Variants in TMEM167A observed in about 807,000 individuals in gnomAD.
The protein encoded by TMEM167A is protein kish-A.
A neutral mutation model predicts 11.6 loss-of-function variants in TMEM167A; 8 were observed. The ratio of observed to expected loss-of-function variants is 0.69; its 90% confidence interval spans 0.40 to 1.24. The LOEUF is 1.24. Ranked by LOEUF, TMEM167A falls within the 50% of genes most tolerant of loss-of-function variation. The pLI, the probability that TMEM167A is intolerant of heterozygous loss-of-function variation, is 0.01. For missense variants in TMEM167A, 62 were observed against 87.0 expected (o/e 0.71, Z 1.14); for synonymous variants, 22 against 28.0 (o/e 0.79, Z 0.67).
At chr5:83,073,697 C>A (rs146504755) in intron 1 of TMEM167A, among the ~76,000 whole-genome samples, 245 of 152,220 alleles carry the variant, frequency 1.6e-3, no homozygotes, top group East Asian at 2.3e-3. Flanking sequence ...AACTGGAGTA[C>A]CAAGAGAAAA....
intron 1 of TMEM167A, among the ~76,000 whole-genome samples, chr5:83,073,461 T>C (rs1311186869): frequency 6.6e-6 from 1 of 152,254 alleles, no homozygotes; most frequent in Non-Finnish European, 1.5e-5. Context: ...AAAACCCTTC[T>C]AATATTCAAC....
In TMEM167A at chr5:83,054,828, C is replaced by A. The variant is rs531086661; in HGVS notation, c.*2256G>T. 8 of 151,888 alleles carry A rather than the reference C, an allele frequency of 5.3e-5. No homozygotes were observed. In the East Asian group the frequency reaches 1.4e-3, roughly 26 times the overall value. 9.4% of individuals were successfully genotyped at this position (151,888 alleles called of 1,614,324 possible). ...AACAACCTGCACATGTACCCCTGAA[C>A]CTAAAAGTTAAAAAAATAAAAGGGA... On this transcript the variant is annotated 3_prime_UTR_variant, in exon 4 of 4. Transcript: ENST00000502346.
intron 3 of TMEM167A, among the ~76,000 whole-genome samples, chr5:83,061,080 T>C (rs140827542): frequency 4.6e-5 from 7 of 152,296 alleles, no homozygotes; most frequent in Admixed American, 4.6e-4. Context: ...AGATCAAGTG[T>C]AGTACTTTAA....
chr5:83,064,556 T>A (rs1199178392), intron 2 of TMEM167A, among the ~76,000 whole-genome samples: 1 of 152,078 alleles, frequency 6.6e-6, no homozygotes, highest in Admixed American at 6.6e-5. Flanking sequence ...AAGGGAAAGA[T>A]ACAATGAAAC....
chr5:83,074,895 C>G (rs1372672631), intron 1 of TMEM167A, among the ~76,000 whole-genome samples: 1 of 152,084 alleles, frequency 6.6e-6, no homozygotes, highest in Non-Finnish European at 1.5e-5. Flanking sequence ...CTCAGCCTCC[C>G]AAGTAGCTGG....
Position 83,056,278 on chromosome 5 carries a change from TA to T in TMEM167A, c.*805del, listed in dbSNP as rs1561300321. The T allele has an allele frequency of 6.6e-6, 1 of 151,972 alleles. No individual in the cohort carries two copies. The highest frequency in any genetic ancestry group is 2.1e-4 in the South Asian group (1 of 4,828). 9.4% of individuals were successfully genotyped at this position (151,972 alleles called of 1,614,324 possible). On this transcript the variant is annotated 3_prime_UTR_variant, in exon 4 of 4. Coordinates refer to ENST00000502346, the MANE Select transcript of TMEM167A (RefSeq NM_174909.5). ...TGTTTCATTTTTGAAGCCATGACACTAAAAAGAATGAAAAACACATATAGGA... is the reference window on the plus strand; with the variant it reads ...TGTTTCATTTTTGAAGCCATGACACTAAAAGAATGAAAAACACATATAGGA...
At chr5:83,066,933 C>T (rs1349747363) in intron 1 of TMEM167A, among the ~76,000 whole-genome samples, 1 of 152,204 alleles carries the variant, frequency 6.6e-6, no homozygotes, top group Non-Finnish European at 1.5e-5. Flanking sequence ...CTTTGACCTT[C>T]TCAGCCATGT....
intron 1 of TMEM167A, among the ~76,000 whole-genome samples, chr5:83,075,249 T>A (rs890897686): frequency 6.6e-6 from 1 of 151,320 alleles, no homozygotes; most frequent in African/African-American, 2.4e-5. Flanking sequence ...CTAAAGAGAG[T>A]AGAAGAAAAT....
intron 1 of TMEM167A, among the ~76,000 whole-genome samples, chr5:83,072,765 A>G (rs1268581552): frequency 2.0e-5 from 3 of 152,106 alleles, no homozygotes; most frequent in African/African-American, 7.2e-5. Context: ...TGCCTGCCTC[A>G]GCCTCCTGGA....
chr5:83,066,056 G>T (rs112104521), intron 1 of TMEM167A, among the ~76,000 whole-genome samples: 397 of 152,116 alleles, frequency 2.6e-3, no homozygotes, highest in African/African-American at 8.8e-3. Context: ...ATTGTTATCA[G>T]ATTATCAGAC....
chr5:83,059,564 A>T (rs931884397), intron 3 of TMEM167A, among the ~76,000 whole-genome samples: 1 of 151,754 alleles, frequency 6.6e-6, no homozygotes, highest in African/African-American at 2.4e-5. Context: ...TGGTGTGTGT[A>T]TAGTTATATT....
Position 83,058,394 on chromosome 5 carries a change from C to A in TMEM167A, c.149-1240G>T, listed in dbSNP as rs540541954. Reference sequence around the variant, plus strand: ...TGTAGACATTTAATGGACTGCCTTCCGGCTAAAAAAAATCTAGAAAGTGAA... The same window carrying A: ...TGTAGACATTTAATGGACTGCCTTCAGGCTAAAAAAAATCTAGAAAGTGAA... On this transcript the variant is annotated intron_variant, in intron 3 of 3. Coordinates refer to ENST00000502346, the MANE Select transcript of TMEM167A (RefSeq NM_174909.5). Among the ~76,000 whole-genome samples, 7 of 151,808 alleles carry A rather than the reference C, an allele frequency of 4.6e-5. 1 individual carries two copies. The highest frequency in any genetic ancestry group is 4.6e-4 in the Admixed American group (7 of 15,216).
chr5:83,075,485 G>A (rs1052278538), intron 1 of TMEM167A, among the ~76,000 whole-genome samples: 14 of 152,238 alleles, frequency 9.2e-5, no homozygotes, highest in East Asian at 5.8e-4. Flanking sequence ...GGTGGCTCAC[G>A]CCTGTAATCC....
Position 83,056,152 on chromosome 5 carries a change from A to G in TMEM167A, c.*932T>C, listed in dbSNP as rs557073993. Reference sequence around the variant, plus strand: ...ACTATTTATCACCTCCAAAGTAACAAAAGAGATTCCAGTTCAAGTTGACAA... The same window carrying G: ...ACTATTTATCACCTCCAAAGTAACAGAAGAGATTCCAGTTCAAGTTGACAA... On this transcript the variant is annotated 3_prime_UTR_variant, in exon 4 of 4. Transcript: ENST00000502346. 6.6e-6 allele frequency: 1 copy of G among 152,200 alleles called. No homozygotes were observed. The highest frequency in any genetic ancestry group is 2.1e-4 in the South Asian group (1 of 4,830). 9.4% of individuals were successfully genotyped at this position (152,200 alleles called of 1,614,324 possible).
At chr5:83,066,689 A>G (rs112375513) in intron 1 of TMEM167A, among the ~76,000 whole-genome samples, 397 of 152,130 alleles carry the variant, frequency 2.6e-3, no homozygotes, top group African/African-American at 8.8e-3. Flanking sequence ...CAAAGCTCAG[A>G]TTGAAATTTG....
chr5:83,074,536 A>G (rs1380620100), intron 1 of TMEM167A, among the ~76,000 whole-genome samples: 1 of 152,234 alleles, frequency 6.6e-6, no homozygotes, highest in East Asian at 1.9e-4. Context: ...TGTGAAAATC[A>G]TTTAGTGCAC....
chr5:83,064,702 A>G (rs1449185858), intron 2 of TMEM167A, among the ~76,000 whole-genome samples: 1 of 152,132 alleles, frequency 6.6e-6, no homozygotes, highest in Non-Finnish European at 1.5e-5. Flanking sequence ...CAGTGTCTAC[A>G]AGGAGATGGA....
chr5:83,063,345 T>C (rs971901259), intron 2 of TMEM167A, among the ~76,000 whole-genome samples: 7 of 152,100 alleles, frequency 4.6e-5, no homozygotes, highest in African/African-American at 1.7e-4. Context: ...AGATGTACTG[T>C]GTTCATATAT....
chr5:83,056,217 A>C lies in TMEM167A; in HGVS notation c.*867T>G, dbSNP rs1744328927. The C allele has an allele frequency of 1.3e-5, 2 of 152,032 alleles. No homozygotes were observed. Among genetic ancestry groups the C allele is most frequent in the South Asian group, 4.1e-4 (2 of 4,832 alleles). 9.4% of individuals were successfully genotyped at this position (152,032 alleles called of 1,614,324 possible). On this transcript the variant is annotated 3_prime_UTR_variant, in exon 4 of 4. Coordinates refer to ENST00000502346, the MANE Select transcript of TMEM167A (RefSeq NM_174909.5). ...TTAAAGTGCTGTGTTAAAAAACAAA[A>C]CAAAAATACAGTTCCTTTACGGCAA...
Sources: gnomAD v4.1 joint callset for allele counts (sites outside exome capture counted in the v4.1 genomes callset) on GRCh38, gnomAD v4.1.1 for gene constraint, MANE v1.5 for transcripts, NCBI Gene and HGNC (gene_info 2026-07-23, HGNC 2026-07-21) for gene names.